The following NAALADL2 variants were observed in gnomAD, a reference collection of about 807,000 sequenced individuals.
NAALADL2 encodes N-acetylated alpha-linked acidic dipeptidase like 2, also known as inactive N-acetylated-alpha-linked acidic dipeptidase-like protein 2.
A neutral mutation model predicts 87.2 loss-of-function variants in NAALADL2; 76 were observed. The observed-to-expected ratio is 0.87, with a 90% confidence interval of 0.72 to 1.05. NAALADL2 has a LOEUF of 1.05. Ranked by LOEUF, NAALADL2 falls within the 50% of genes least tolerant of loss-of-function variation. NAALADL2 has a pLI of 0.00. For synonymous variants in NAALADL2, 354 were observed against 331.0 expected, an observed-to-expected ratio of 1.07 and a Z score of -0.75; for missense variants, 1,089 against 945.8, an observed-to-expected ratio of 1.15 and a Z score of -1.99.
upstream of NAALADL2, among the ~76,000 whole-genome samples, chr3:174,855,775 TACACACACACACACAC>T (rs10576439): frequency 3.0e-3 from 408 of 135,650 alleles, 3 homozygotes; most frequent in Non-Finnish European, 5.3e-3. Flanking sequence ...AGGAGAGAAA[TACACACACACACACAC>T]ACACACACAC....
At chr3:175,369,218 T>C (rs1346177189) in intron 5 of NAALADL2, among the ~76,000 whole-genome samples, 1 of 152,160 alleles carries the variant, frequency 6.6e-6, no homozygotes, top group Non-Finnish European at 1.5e-5. Flanking sequence ...TGACTGTATA[T>C]ATATGTAGCA....
chr3:174,605,381 A>C lies in NAALADL2; in HGVS notation c.-115+54744A>C, dbSNP rs538330411. Among the ~76,000 whole-genome samples the C allele has an allele frequency of 3.9e-5, 6 of 152,330 alleles. No homozygotes were observed. The South Asian group carries it at 1.2e-3, about 32-fold the overall frequency. On this transcript the variant is annotated intron_variant, in intron 2 of 3. Transcript: ENST00000434257. ...GGACGAGGCATTGCCTCACTCGGGAAGCACAAGGGGTCAGGGAGTTCCCTT... is the reference window on the plus strand; with the variant it reads ...GGACGAGGCATTGCCTCACTCGGGACGCACAAGGGGTCAGGGAGTTCCCTT...
intron 5 of NAALADL2, among the ~76,000 whole-genome samples, chr3:175,381,315 G>A (rs1767753836): frequency 6.6e-6 from 1 of 151,504 alleles, no homozygotes; most frequent in Non-Finnish European, 1.5e-5. Context: ...TAGTTGTAGA[G>A]GGGAAAGCAA....
chr3:175,234,804 T>TTAAC (rs1239198835), intron 3 of NAALADL2: 1 of 152,188 alleles, frequency 6.6e-6, no homozygotes, highest in Non-Finnish European at 1.5e-5. Flanking sequence ...AGCTCCCCAG[T>TTAAC]TAACCACTGT....
intron 1 of NAALADL2, among the ~76,000 whole-genome samples, chr3:175,001,132 A>C (rs2108761612): frequency 6.6e-6 from 1 of 152,328 alleles, no homozygotes; most frequent in East Asian, 1.9e-4. Flanking sequence ...CAATTTGGCC[A>C]CTATGTCAGT....
intron 5 of NAALADL2, among the ~76,000 whole-genome samples, chr3:175,437,060 C>T (rs1477242507): frequency 8.1e-4 from 114 of 140,578 alleles, no homozygotes; most frequent in South Asian, 1.2e-3. Context: ...GTTTCAGCTT[C>T]CTACATATGG....
At chr3:174,813,688 ATGT>A (rs1208292553) in intron 3 of NAALADL2, among the ~76,000 whole-genome samples, 2 of 152,088 alleles carry the variant, frequency 1.3e-5, no homozygotes, top group African/African-American at 4.8e-5. Context: ...AAGTTTTGCT[ATGT>A]TGCCCAGGCT....
chr3:174,877,703 G>A (rs1728679148), intron 1 of NAALADL2, among the ~76,000 whole-genome samples: 1 of 152,008 alleles, frequency 6.6e-6, no homozygotes, highest in African/African-American at 2.4e-5. Flanking sequence ...TGTAGAATAT[G>A]GATTAAAGAA....
At chr3:174,972,039 G>A (rs969731042) in intron 1 of NAALADL2, among the ~76,000 whole-genome samples, 2 of 151,994 alleles carry the variant, frequency 1.3e-5, no homozygotes, top group Non-Finnish European at 2.9e-5. Flanking sequence ...TTTGAGTGGT[G>A]TCAGCCTCTT....
intron 1 of NAALADL2, among the ~76,000 whole-genome samples, chr3:174,457,025 T>A (rs940736651): frequency 1.3e-5 from 2 of 151,568 alleles, no homozygotes; most frequent in Non-Finnish European, 1.5e-5. Flanking sequence ...GAAAAAATAA[T>A]CCCATTAAAA....
At chr3:174,758,513 C>T (rs1388681751) in intron 3 of NAALADL2, among the ~76,000 whole-genome samples, 3 of 152,166 alleles carry the variant, frequency 2.0e-5, no homozygotes, top group African/African-American at 7.2e-5. Flanking sequence ...AGGTTAAGTA[C>T]ATGCAGAAGT....
rs909904322 is a variant in NAALADL2 at position 174,470,155 on chromosome 3, G to A, written c.-184+29123G>A. On this transcript the variant is annotated intron_variant, in intron 1 of 3. Coordinates refer to the NAALADL2 transcript ENST00000434257. Reference sequence around the variant, plus strand: ...TTCCCTTTTCTCCACAACCTTGCCAGCATCTGTTATTTTCTCACTTTTAAG... The same window carrying A: ...TTCCCTTTTCTCCACAACCTTGCCAACATCTGTTATTTTCTCACTTTTAAG... 2.6e-5 allele frequency among the ~76,000 whole-genome samples: 4 copies of A among 152,020 alleles called. No individual in the cohort carries two copies. The East Asian group carries it at 7.7e-4, about 29-fold the overall frequency.
intron 4 of NAALADL2, among the ~76,000 whole-genome samples, chr3:175,293,833 T>G (rs1755970052): frequency 6.6e-6 from 1 of 152,228 alleles, no homozygotes; most frequent in African/African-American, 2.4e-5. Context: ...AACTGCCCAG[T>G]TTATGGCATT....
chr3:174,473,884 T>C (rs1339124641), intron 1 of NAALADL2, among the ~76,000 whole-genome samples: 1 of 152,180 alleles, frequency 6.6e-6, no homozygotes, highest in Non-Finnish European at 1.5e-5. Flanking sequence ...AAAAGAGGTT[T>C]AACTGATTCA....
intron 2 of NAALADL2, among the ~76,000 whole-genome samples, chr3:175,134,809 C>T (rs1560074697): frequency 6.6e-6 from 1 of 152,152 alleles, no homozygotes; most frequent in Non-Finnish European, 1.5e-5. Flanking sequence ...GAATACCTGT[C>T]TACCTTCTTT....
At chr3:175,452,432 A>C (rs1268836488) in intron 6 of NAALADL2, among the ~76,000 whole-genome samples, 1 of 152,188 alleles carries the variant, frequency 6.6e-6, no homozygotes, top group Admixed American at 6.6e-5. Context: ...GAAAGGGAAA[A>C]CTAAAAACTT....
chr3:175,050,069 G>C (rs528625569), intron 1 of NAALADL2, among the ~76,000 whole-genome samples: 1 of 152,090 alleles, frequency 6.6e-6, no homozygotes, highest in Non-Finnish European at 1.5e-5. Flanking sequence ...TAATTGGTGT[G>C]TATAAATGGT....
chr3:175,550,371 G>A (rs1011069518), intron 9 of NAALADL2, among the ~76,000 whole-genome samples: 22 of 152,048 alleles, frequency 1.4e-4, no homozygotes, highest in Non-Finnish European at 2.8e-4. Flanking sequence ...AAAGGAAGAG[G>A]AGAATAAATT....
chr3:174,554,943 G>T (rs972260344), intron 2 of NAALADL2, among the ~76,000 whole-genome samples: 1 of 152,158 alleles, frequency 6.6e-6, no homozygotes, highest in African/African-American at 2.4e-5. Context: ...CATAGATGGT[G>T]TTCTTCTATG....
Sources: gnomAD v4.1 joint callset for allele counts (sites outside exome capture counted in the v4.1 genomes callset) on GRCh38, gnomAD v4.1.1 for gene constraint, MANE v1.5 for transcripts, NCBI Gene and HGNC (gene_info 2026-07-23, HGNC 2026-07-21) for gene names.